SCUBE2: variants seen among roughly 807,000 people sequenced by gnomAD.
The protein encoded by SCUBE2 is signal peptide, CUB domain and EGF like domain containing 2.
In SCUBE2, 114 loss-of-function variants were observed where a neutral mutation model predicts 125.9. That is an observed-to-expected ratio of 0.91 (90% CI 0.78 to 1.06). The LOEUF (loss-of-function observed/expected upper bound fraction) is 1.06. Ranked by LOEUF, SCUBE2 falls within the 50% of genes least tolerant of loss-of-function variation. The pLI is 0.00. For synonymous variants in SCUBE2, 459 were observed against 492.9 expected (o/e 0.93, Z 0.91); for missense variants, 1,255 against 1,301.8 (o/e 0.96, Z 0.55).
intron 7 of SCUBE2, among the ~76,000 whole-genome samples, chr11:9,062,229 C>G (rs1034978257): frequency 1.3e-5 from 2 of 152,174 alleles, no homozygotes; most frequent in Admixed American, 1.3e-4. Context: ...ATTCCAAAAG[C>G]TATGTTAAAA....
intron 2 of SCUBE2, among the ~76,000 whole-genome samples, chr11:9,085,221 A>T (rs532237538): frequency 2.6e-5 from 4 of 152,314 alleles, no homozygotes; most frequent in African/African-American, 9.6e-5. Context: ...AATGGTAGGG[A>T]AAAATGGTGA....
rs1337148304 is a variant in SCUBE2 at position 9,019,762 on chromosome 11, A to T, written c.*1283T>A. On this transcript the variant is annotated 3_prime_UTR_variant, in exon 23 of 23. Transcript: ENST00000649792. ...AGAATTGGCTGTGCATAGAATTGTT[A>T]TTGAAATAACAAAACACTATAGTTG... is the stretch of plus-strand genomic sequence containing the variant. Among the ~76,000 whole-genome samples, 2 of 152,222 alleles carry T rather than the reference A, an allele frequency of 1.3e-5. No individual in the cohort carries two copies. The highest frequency in any genetic ancestry group is 4.8e-5 in the African/African-American group (2 of 41,456).
At chr11:9,042,410 C>G (rs1159716759) in intron 16 of SCUBE2, among the ~76,000 whole-genome samples, 1 of 152,160 alleles carries the variant, frequency 6.6e-6, no homozygotes, top group Non-Finnish European at 1.5e-5. Context: ...TGCCTCCACT[C>G]TTTCCATTCT....
At chr11:9,034,471 T>C (rs1450774342) in intron 16 of SCUBE2, among the ~76,000 whole-genome samples, 1 of 152,180 alleles carries the variant, frequency 6.6e-6, no homozygotes, top group Non-Finnish European at 1.5e-5. Context: ...TAGTCCTAGC[T>C]ACTGGGGAGG....
At chr11:9,049,489 G>C (rs1278545564) in intron 14 of SCUBE2, among the ~76,000 whole-genome samples, 1 of 152,028 alleles carries the variant, frequency 6.6e-6, no homozygotes, top group Admixed American at 6.6e-5. Context: ...CAAGCAATCT[G>C]CCTGCCTTGG....
At chr11:9,074,712 C>T in intron 3 of SCUBE2, 97 bp from the exon 4 acceptor site, 1 of 1,371,694 alleles carries the variant, frequency 7.3e-7, no homozygotes, top group Non-Finnish European at 1.0e-6. Context: ...AGATGAGGTT[C>T]CTCTTCACGT....
At chr11:9,087,395 C>T (rs925581006) in intron 2 of SCUBE2, among the ~76,000 whole-genome samples, 1 of 152,146 alleles carries the variant, frequency 6.6e-6, no homozygotes, top group Admixed American at 6.5e-5. Context: ...AGGGTACCAA[C>T]ATGTGTGAAT....
intron 21 of SCUBE2, among the ~76,000 whole-genome samples, chr11:9,023,802 G>A (rs1322240370): frequency 6.6e-6 from 1 of 152,160 alleles, no homozygotes; most frequent in East Asian, 1.9e-4. Context: ...GAGTGATTGT[G>A]AGGAAAGCAC....
rs760032815 is a variant in SCUBE2 at position 9,059,444 on chromosome 11, G to C, written c.968-19C>G. Reference sequence around the variant, plus strand: ...TCAATATCTGCAACAGGAAAGCATTGGGCATATCAGAGAGCAATACTTGCC... The same window carrying C: ...TCAATATCTGCAACAGGAAAGCATTCGGCATATCAGAGAGCAATACTTGCC... On this transcript the variant is annotated intron_variant, in intron 8 of 22. Transcript: ENST00000649792. The C allele has an allele frequency of 5.0e-6, 8 of 1,610,576 alleles. No individual in the cohort carries two copies. The African/African-American group carries it at 9.3e-5, about 19-fold the overall frequency.
intron 20 of SCUBE2, 93 bp from the exon 21 acceptor site, chr11:9,025,947 C>A: frequency 7.5e-7 from 1 of 1,324,540 alleles, no homozygotes; most frequent in South Asian, 1.4e-5. Flanking sequence ...TCAAACCATA[C>A]AATAAGTTAT....
At chr11:9,054,805 G>A (rs60267374) in intron 10 of SCUBE2, among the ~76,000 whole-genome samples, 4,100 of 130,994 alleles carry the variant, frequency 0.031, 228 homozygotes, top group African/African-American at 0.11. Context: ...GCACAACCTC[G>A]GCTCACTGCA....
intron 14 of SCUBE2, among the ~76,000 whole-genome samples, chr11:9,049,417 T>A (rs1386811197): frequency 6.6e-6 from 1 of 152,042 alleles, no homozygotes; most frequent in African/African-American, 2.4e-5. Flanking sequence ...CTAATTTTTT[T>A]ATAGTTTTTG....
chr11:9,038,624 C>A (rs139205074), intron 16 of SCUBE2, among the ~76,000 whole-genome samples: 2,552 of 152,158 alleles, frequency 0.017, 62 homozygotes, highest in African/African-American at 0.058. Context: ...AAAAAACAAA[C>A]AAACAAACAA....
intron 7 of SCUBE2, among the ~76,000 whole-genome samples, chr11:9,062,611 A>G (rs868831110): frequency 5.7e-4 from 87 of 152,334 alleles, no homozygotes; most frequent in African/African-American, 2.0e-3. Context: ...TAATCTAGAG[A>G]ACAGAAGAGG....
In SCUBE2 at chr11:9,027,448, TG is replaced by T. The variant is rs753114269; in HGVS notation, c.2616del (p.Lys873SerfsTer5). Reference protein sequence around the residue: ...TECTWTINPPPKRRILIVVPE... With the variant: ...TECTWTINPPXKRRILIVVPE... ...GGGACCACGATCAGGATGCGGCGCT[TG>T]GGGGGTGGGTTGATGGTCCACGTAC... On this transcript the variant is annotated frameshift_variant, in exon 20 of 23. Coordinates refer to ENST00000649792, the MANE Select transcript of SCUBE2 (RefSeq NM_001367977.2). LOFTEE classifies it high-confidence loss of function. 22 of 1,613,776 alleles carry T rather than the reference TG, an allele frequency of 1.4e-5. No homozygotes were observed. Among genetic ancestry groups the T allele is most frequent in the Non-Finnish European group, 1.7e-5 (20 of 1,179,968 alleles).
rs530003463 is a variant in SCUBE2 at position 9,043,810 on chromosome 11, T to C, written c.2002+3546A>G. Among the ~76,000 whole-genome samples, 13 of 152,140 alleles carry C rather than the reference T, an allele frequency of 8.5e-5. No individual in the cohort carries two copies. In the South Asian group the frequency reaches 1.0e-3, roughly 12 times the overall value. Reference sequence around the variant, plus strand: ...ACCAAGTTAAAATGACTATTTTTTTTTTTTTTTGCTTACCAGATTTGCAAA... The same window carrying C: ...ACCAAGTTAAAATGACTATTTTTTTCTTTTTTTGCTTACCAGATTTGCAAA... On this transcript the variant is annotated intron_variant, in intron 16 of 22. Coordinates refer to ENST00000649792, the MANE Select transcript of SCUBE2 (RefSeq NM_001367977.2).
At chr11:9,081,306 T>C (rs1434507326) in intron 2 of SCUBE2, among the ~76,000 whole-genome samples, 1 of 152,210 alleles carries the variant, frequency 6.6e-6, no homozygotes, top group East Asian at 1.9e-4. Flanking sequence ...CTTGTAAAAC[T>C]GAAACTCTGT....
intron 7 of SCUBE2, among the ~76,000 whole-genome samples, chr11:9,063,119 GC>G (rs1462355554): frequency 6.6e-6 from 1 of 152,038 alleles, no homozygotes; most frequent in Admixed American, 6.6e-5. Flanking sequence ...GGTGGCATGT[GC>G]CTGTAGTCTC....
Position 9,047,959 on chromosome 11 carries a change from G to C in SCUBE2, c.1779C>G (p.Asn593Lys). 1 of 1,612,410 alleles carries C rather than the reference G, an allele frequency of 6.2e-7. No homozygotes were observed. The highest frequency in any genetic ancestry group is 8.5e-7 in the Non-Finnish European group (1 of 1,179,360). The change falls in exon 15 of 23, where the codon AAC (asparagine) becomes AAG (lysine). Residue 593 changes from asparagine (N) to lysine (K), a missense_variant. Asn to Lys is a moderately conservative substitution (Grantham distance 94). Around this residue, in one of 3 missense-constraint regions of SCUBE2, gnomAD observed 378 missense variants for 463.1 expected, o/e 0.82. Transcript: ENST00000649792. ...FITVEFELET[N>K]QKEVTASCDL... is the part of the protein sequence containing the mutation. ...CAAACCAACCTGTCACCTCCTTTTG[G>C]TTAGTTTCAAGCTCAAACTCAACAG...
Sources: gnomAD v4.1 joint callset for allele counts (sites outside exome capture counted in the v4.1 genomes callset) on GRCh38, gnomAD v4.1.1 for gene constraint, gnomAD v4.1.1 regional missense constraint, MANE v1.5 for transcripts, NCBI Gene and HGNC (gene_info 2026-07-23, HGNC 2026-07-21) for gene names.